Variants in FNDC3A observed in about 807,000 individuals in gnomAD.
FNDC3A encodes fibronectin type-III domain-containing protein 3A.
FNDC3A carries 32 observed loss-of-function variants against 148.9 expected under a neutral mutation model. That is an observed-to-expected ratio of 0.21 (90% CI 0.16 to 0.29). The LOEUF (loss-of-function observed/expected upper bound fraction) is 0.29. Ranked by LOEUF, FNDC3A falls within the 10% of genes least tolerant of loss-of-function variation. FNDC3A has a pLI of 1.00. For synonymous variants in FNDC3A, 472 were observed against 473.6 expected, an observed-to-expected ratio of 1.00 and a Z score of 0.04; for missense variants, 1,191 against 1,452.8, an observed-to-expected ratio of 0.82 and a Z score of 2.93.
chr13:49,129,454 G>A (rs1277850576), intron 4 of FNDC3A, among the ~76,000 whole-genome samples: 2 of 152,172 alleles, frequency 1.3e-5, no homozygotes, highest in African/African-American at 4.8e-5. Context: ...GAATTGGAGA[G>A]TGATAAAGGT....
At position 49,128,466 on chromosome 13, in the gene FNDC3A, G is replaced by A. The variant is rs117524752; in HGVS notation, c.253-2671G>A. Among the ~76,000 whole-genome samples the A allele has an allele frequency of 7.2e-5, 11 of 152,100 alleles. No individual in the cohort carries two copies. In the South Asian group the frequency reaches 8.3e-4, roughly 11 times the overall value. On this transcript the variant is annotated intron_variant, in intron 4 of 25. Coordinates refer to ENST00000492622, the MANE Select transcript of FNDC3A (RefSeq NM_001079673.2). ...GTTGTAGGTTATTTAGCAGTATTCC[G>A]GGCCTCTCTACTTTCTAGGTGTTAA...
At chr13:49,017,756 T>A (rs968100571) in intron 2 of FNDC3A, among the ~76,000 whole-genome samples, 1 of 152,228 alleles carries the variant, frequency 6.6e-6, no homozygotes, top group Non-Finnish European at 1.5e-5. Context: ...TTCCTTTCCA[T>A]GTTTAGCGCT....
chr13:49,187,754 T>G, intron 16 of FNDC3A: 1 of 903,504 alleles, frequency 1.1e-6, no homozygotes, highest in Non-Finnish European at 1.7e-6. Flanking sequence ...TTTTTTTTCC[T>G]GGATTTTTTT....
At chr13:49,099,051 C>T (rs545538669) in intron 3 of FNDC3A, among the ~76,000 whole-genome samples, 1 of 152,158 alleles carries the variant, frequency 6.6e-6, no homozygotes, top group African/African-American at 2.4e-5. Flanking sequence ...ATAAGCATTC[C>T]TTATTAGTAA....
At chr13:49,187,234 C>A (rs1295779609) in intron 16 of FNDC3A, 44 bp downstream of exon 16, 5 of 1,335,586 alleles carry the variant, frequency 3.7e-6, no homozygotes, top group Non-Finnish European at 5.4e-6. Context: ...TCCAGCCAGT[C>A]TCTTTCTATT....
chr13:49,078,492 G>T (rs1878265067), intron 3 of FNDC3A, among the ~76,000 whole-genome samples: 1 of 152,098 alleles, frequency 6.6e-6, no homozygotes, highest in Non-Finnish European at 1.5e-5. Context: ...ATTGGGTAGA[G>T]GTTTTAAAAA....
chr13:49,126,273 TG>T (rs1425169415), intron 4 of FNDC3A, among the ~76,000 whole-genome samples: 14 of 148,260 alleles, frequency 9.4e-5, no homozygotes, highest in East Asian at 5.0e-4. Context: ...TTTTTTTGTT[TG>T]TTTTTTTAAT....
chr13:49,168,811 GTAT>G, intron 10 of FNDC3A, 60 bp downstream of exon 10: 1 of 1,486,096 alleles, frequency 6.7e-7, no homozygotes, highest in Non-Finnish European at 9.3e-7. Flanking sequence ...TCCCCTGGTA[GTAT>G]TAAGTTTCAA....
chr13:49,180,485 T>C (rs1430556766), intron 14 of FNDC3A, among the ~76,000 whole-genome samples: 5 of 152,164 alleles, frequency 3.3e-5, no homozygotes, highest in Non-Finnish European at 5.9e-5. Flanking sequence ...ATTTACAAGA[T>C]TTATAAAATA....
intron 2 of FNDC3A, among the ~76,000 whole-genome samples, chr13:49,038,772 T>C (rs1247469489): frequency 6.6e-6 from 1 of 152,210 alleles, no homozygotes; most frequent in Non-Finnish European, 1.5e-5. Context: ...CTAACAATGT[T>C]TGTGAAGAAT....
Position 49,174,490 on chromosome 13 carries a change from A to C in FNDC3A, c.1286A>C (p.Lys429Thr). The C allele has an allele frequency of 2.5e-6, 4 of 1,612,776 alleles. No homozygotes were observed. The highest frequency in any genetic ancestry group is 3.4e-6 in the Non-Finnish European group (4 of 1,178,956). ...QCYMGSQKQF[K>T]ITKLSPAMGC... ...TACATGGGCTCACAGAAACAATTTA[A>C]AATTACTAAACTTTCACCAGCAATG... The change falls in exon 12 of 26, where the codon AAA (lysine) becomes ACA (threonine). Residue 429 changes from lysine (K) to threonine (T), a missense_variant. Around this residue, in one of 3 missense-constraint regions of FNDC3A, gnomAD observed 751 missense variants for 944.0 expected, o/e 0.80. Transcript: ENST00000492622.
chr13:49,183,860 G>A (rs9562870), intron 14 of FNDC3A, among the ~76,000 whole-genome samples: 88,032 of 151,976 alleles, frequency 0.58, 27,147 homozygotes, highest in Non-Finnish European at 0.68. Flanking sequence ...GTGTTATATA[G>A]CATCATAGTC....
intron 10 of FNDC3A, among the ~76,000 whole-genome samples, chr13:49,170,747 G>A (rs1024142091): frequency 1.3e-5 from 2 of 152,082 alleles, no homozygotes; most frequent in African/African-American, 4.8e-5. Flanking sequence ...GTTGATTGGA[G>A]GACTAAATGA....
At chr13:48,977,613 G>C (rs892641126) in intron 1 of FNDC3A, among the ~76,000 whole-genome samples, 2 of 152,196 alleles carry the variant, frequency 1.3e-5, no homozygotes, top group African/African-American at 4.8e-5. Flanking sequence ...CACTGAGACA[G>C]ATGGTGGCCC....
At chr13:49,167,217 C>T in intron 8 of FNDC3A, 27 bp from the exon 9 acceptor site, 6 of 1,451,198 alleles carry the variant, frequency 4.1e-6, no homozygotes, top group South Asian at 1.2e-5. Flanking sequence ...ATTTATCAGA[C>T]ATGATATATT....
intron 1 of FNDC3A, among the ~76,000 whole-genome samples, chr13:48,991,969 C>T (rs191310094): frequency 1.3e-5 from 2 of 152,176 alleles, no homozygotes; most frequent in Admixed American, 1.3e-4. Flanking sequence ...TGTTGAATGT[C>T]TCGTGTAATT....
chr13:49,172,157 A>C, intron 11 of FNDC3A, 61 bp downstream of exon 11: 1 of 1,091,366 alleles, frequency 9.2e-7, no homozygotes, highest in Non-Finnish European at 1.4e-6. Context: ...GGCAAAATTA[A>C]CTTTTTTGTT....
chr13:49,031,241 G>A (rs1209788540), intron 2 of FNDC3A, among the ~76,000 whole-genome samples: 2 of 152,012 alleles, frequency 1.3e-5, no homozygotes, highest in African/African-American at 4.8e-5. Flanking sequence ...ACAAAAATTA[G>A]CATGGTGGTG....
At position 49,021,167 on chromosome 13, in the gene FNDC3A, A is replaced by G. The variant is rs528458578; in HGVS notation, c.99+14878A>G. 1.3e-4 allele frequency among the ~76,000 whole-genome samples: 20 copies of G among 152,356 alleles called. No individual in the cohort carries two copies. The East Asian group carries it at 3.1e-3, about 23-fold the overall frequency. On this transcript the variant is annotated intron_variant, in intron 2 of 25. Transcript: ENST00000492622. ...ATACTGCCAAAATGAAAGTAGGTTT[A>G]TATAATACTACACCTTAACTTGAAC... is the stretch of plus-strand genomic sequence containing the variant.
Sources: gnomAD v4.1 joint callset for allele counts (sites outside exome capture counted in the v4.1 genomes callset) on GRCh38, gnomAD v4.1.1 for gene constraint, gnomAD v4.1.1 regional missense constraint, MANE v1.5 for transcripts, NCBI Gene and HGNC (gene_info 2026-07-23, HGNC 2026-07-21) for gene names.